CRISP2: variants seen among roughly 807,000 people sequenced by gnomAD.
The protein encoded by CRISP2 is cysteine-rich secretory protein 2.
In CRISP2, 29 loss-of-function variants were observed where a neutral mutation model predicts 31.7. That is an observed-to-expected ratio of 0.92 (90% CI 0.68 to 1.25). The LOEUF is 1.25. CRISP2 is among the 50% of genes most tolerant of loss of function. CRISP2 has a pLI of 0.00. For synonymous variants in CRISP2, 111 were observed against 101.4 expected (o/e 1.09, Z -0.57); for missense variants, 318 against 286.5 (o/e 1.11, Z -0.79).
chr6:49,682,645 T>TTCTTTC, the CRISP2 span, among the ~76,000 whole-genome samples: 7 of 58,522 alleles, frequency 1.2e-4, no homozygotes, highest in African/African-American at 7.0e-4. Context: ...CTTTCTTTCT[T>TTCTTTC]CTTTCTTTCT....
chr6:49,698,618 A>T, intron 6 of CRISP2, 111 bp from the exon 7 acceptor site: 1 of 1,084,126 alleles, frequency 9.2e-7, no homozygotes, highest in Non-Finnish European at 1.3e-6. Context: ...GCAGATGCTA[A>T]CTGTTGATTA....
At chr6:49,706,821 T>C (rs934795156) in intron 4 of CRISP2, among the ~76,000 whole-genome samples, 8 of 152,216 alleles carry the variant, frequency 5.3e-5, no homozygotes, top group African/African-American at 1.7e-4. Context: ...AATATATACA[T>C]TTCTCTTTCC....
At chr6:49,713,659 G>GCC (rs199993960), upstream of CRISP2, 1 of 152,040 alleles carries the variant, frequency 6.6e-6, no homozygotes, top group Non-Finnish European at 1.5e-5. Context: ...TCCTCCCATC[G>GCC]CCCCCGCCTC....
At chr6:49,698,661 C>G (rs1279499779) in intron 6 of CRISP2, among the ~76,000 whole-genome samples, 154 bp from the exon 7 acceptor site, 1 of 152,152 alleles carries the variant, frequency 6.6e-6, no homozygotes, top group Admixed American at 6.6e-5. Flanking sequence ...TCCTTATCAG[C>G]TATAAAGCTG....
chr6:49,692,619 C>A lies in CRISP2; in HGVS notation c.*154G>T, dbSNP rs1764120361. 3 of 671,746 alleles carry A rather than the reference C, an allele frequency of 4.5e-6. No homozygotes were observed. Among genetic ancestry groups the A allele is most frequent in the Non-Finnish European group, 7.2e-6 (3 of 416,584 alleles). The allele number at this position is 671,746 out of a possible 1,614,324, so 41.6% of individuals were successfully genotyped here. On this transcript the variant is annotated 3_prime_UTR_variant, in exon 10 of 10. Transcript: ENST00000339139. ...ACTATGCTACTTTTGTAAATCATTGCCTGAAAGTGATTTCTGTGATGATCT... is the reference window on the plus strand; with the variant it reads ...ACTATGCTACTTTTGTAAATCATTGACTGAAAGTGATTTCTGTGATGATCT...
chr6:49,710,226 A>T (rs1767770042), intron 3 of CRISP2, among the ~76,000 whole-genome samples: 1 of 152,182 alleles, frequency 6.6e-6, no homozygotes, highest in Admixed American at 6.5e-5. Context: ...TATGTGCAAA[A>T]AAGGGATGAG....
chr6:49,699,287 T>C (rs1037502768), intron 6 of CRISP2, among the ~76,000 whole-genome samples: 1 of 152,044 alleles, frequency 6.6e-6, no homozygotes, highest in Non-Finnish European at 1.5e-5. Context: ...TTGAATACGA[T>C]AAATTTAAAT....
intron 4 of CRISP2, among the ~76,000 whole-genome samples, chr6:49,707,005 TA>T (rs968102871): frequency 2.0e-4 from 30 of 152,118 alleles, no homozygotes; most frequent in Admixed American, 1.6e-3. Flanking sequence ...TCTCTCGACC[TA>T]AAAAAATCTG....
chr6:49,711,753 G>A (rs1362414365), intron 2 of CRISP2, among the ~76,000 whole-genome samples: 1 of 152,132 alleles, frequency 6.6e-6, no homozygotes, highest in Non-Finnish European at 1.5e-5. Context: ...GGTTACGGGT[G>A]CATTCTTTGG....
intron 4 of CRISP2, among the ~76,000 whole-genome samples, chr6:49,702,168 TATATATATATATATA>T (rs1766172259): frequency 9.5e-6 from 1 of 104,994 alleles, no homozygotes; most frequent in Admixed American, 1.1e-4. Flanking sequence ...TATATATATA[TATATATATATATATA>T]ACATTTTCTT....
At chr6:49,703,839 G>C (rs779301134) in intron 4 of CRISP2, among the ~76,000 whole-genome samples, 3 of 152,124 alleles carry the variant, frequency 2.0e-5, no homozygotes, top group Admixed American at 1.3e-4. Context: ...CCCAGGTCAT[G>C]ATCTTTTTGT....
downstream of CRISP2, among the ~76,000 whole-genome samples, chr6:49,690,334 C>T (rs955863435): frequency 6.6e-6 from 1 of 151,976 alleles, no homozygotes; most frequent in Non-Finnish European, 1.5e-5. Context: ...ATGAAAGAAA[C>T]CCAAACAAAT....
chr6:49,685,873 A>G, the CRISP2 span, among the ~76,000 whole-genome samples: 1 of 152,214 alleles, frequency 6.6e-6, no homozygotes, highest in East Asian at 1.9e-4. Context: ...TTTAATGAGT[A>G]TGTAAGACAT....
rs148635588 is a variant in CRISP2 at position 49,709,179 on chromosome 6, C to A, written c.18G>T (p.Val6=). The change falls in exon 4 of 10, where the codon GTG becomes GTT. Residue 6 remains valine, a synonymous_variant. Transcript: ENST00000339139. MALLP[V]LFLVTVLLPS... ...GAAGCAGCACAGTAACCAGAAACAA[C>A]ACCGGTAGTAAAGCCATTGCTGGAA... 194 of 1,613,706 alleles carry A rather than the reference C, an allele frequency of 1.2e-4. No individual in the cohort carries two copies. Among genetic ancestry groups the A allele is most frequent in the Middle Eastern group, 1.7e-4 (1 of 6,060 alleles).
chr6:49,712,490 T>G lies in CRISP2; in HGVS notation c.-47+11A>C, dbSNP rs1035492229. 2 of 152,216 alleles carry G rather than the reference T, an allele frequency of 1.3e-5. No individual in the cohort carries two copies. The highest frequency in any genetic ancestry group is 4.8e-5 in the African/African-American group (2 of 41,450). The allele number at this position is 152,216 out of a possible 1,614,324, so 9.4% of individuals were successfully genotyped here. A position where few individuals can be genotyped will look rare whatever the true frequency, so the allele number is the denominator to read the frequency against. On this transcript the variant is annotated intron_variant, in intron 2 of 9. Coordinates refer to ENST00000339139, the MANE Select transcript of CRISP2 (RefSeq NM_003296.4). ...AAAAGTTGGCTACCATTTTTTTTCT[T>G]TGCTACTTACTAATGGTGAAGTACT...
intron 9 of CRISP2, among the ~76,000 whole-genome samples, chr6:49,693,638 A>C (rs534042873): frequency 6.6e-6 from 1 of 152,324 alleles, no homozygotes; most frequent in East Asian, 1.9e-4. Flanking sequence ...AGGGAAATGA[A>C]GAAAGTTCAT....
At chr6:49,689,994 G>C (rs941510574), downstream of CRISP2, among the ~76,000 whole-genome samples, 5 of 151,924 alleles carry the variant, frequency 3.3e-5, no homozygotes, top group African/African-American at 7.2e-5. Flanking sequence ...TTCTATATCT[G>C]CTTTATTGGA....
the CRISP2 span, among the ~76,000 whole-genome samples, chr6:49,683,653 G>T: frequency 1.1e-5 from 1 of 88,708 alleles, no homozygotes; most frequent in African/African-American, 4.2e-5. Flanking sequence ...AGCAGAGTGA[G>T]ACTCCATTTC....
intron 4 of CRISP2, among the ~76,000 whole-genome samples, chr6:49,701,670 T>TG (rs1225532188): frequency 8.0e-6 from 1 of 125,182 alleles, no homozygotes; most frequent in East Asian, 2.3e-4. Flanking sequence ...TATGTATACA[T>TG]TATATATGTA....
Sources: allele counts gnomAD v4.1 joint callset (sites outside exome capture counted in the v4.1 genomes callset), GRCh38; gene constraint gnomAD v4.1.1; transcripts MANE v1.5; gene names NCBI Gene and HGNC (gene_info 2026-07-23, HGNC 2026-07-21).